Variants in CDH12 observed in about 807,000 individuals in gnomAD.
CDH12 encodes the protein cadherin-12.
In CDH12, 41 loss-of-function variants were observed where a neutral mutation model predicts 74.1. The ratio of observed to expected loss-of-function variants is 0.55; its 90% CI spans 0.43 to 0.72. CDH12 has a LOEUF of 0.72. Ranked by LOEUF, CDH12 falls within the 30% of genes least tolerant of loss-of-function variation. The pLI, the probability that CDH12 is intolerant of heterozygous loss-of-function variation, is 0.00. For synonymous variants in CDH12, 399 were observed against 355.0 expected, an observed-to-expected ratio of 1.12 and a Z score of -1.39; for missense variants, 945 against 977.2, an observed-to-expected ratio of 0.97 and a Z score of 0.44.
At chr5:22,471,941 G>C (rs1289852429) in intron 2 of CDH12, among the ~76,000 whole-genome samples, 1 of 152,078 alleles carries the variant, frequency 6.6e-6, no homozygotes, top group Non-Finnish European at 1.5e-5. Flanking sequence ...GCTCAATTCT[G>C]GACTCAGAAA....
chr5:22,113,374 T>G lies in CDH12; in HGVS notation c.-186-34512A>C, dbSNP rs140945442. On this transcript the variant is annotated intron_variant, in intron 4 of 14. Coordinates refer to ENST00000382254, the MANE Select transcript of CDH12 (RefSeq NM_004061.5). The stretch of plus-strand genomic sequence containing the variant: ...GCACCTTTTCAACACTTGTCACCTA[T>G]TGTCTCTAAGGGCAGCCATCAGAAG... 2.0e-3 allele frequency among the ~76,000 whole-genome samples: 302 copies of G among 152,208 alleles called. 1 individual carries two copies. Among genetic ancestry groups the G allele is most frequent in the African/African-American group, 6.9e-3 (288 of 41,550 alleles).
intron 3 of CDH12, among the ~76,000 whole-genome samples, chr5:22,387,322 T>G (rs1742043012): frequency 6.6e-6 from 1 of 152,154 alleles, no homozygotes; most frequent in Non-Finnish European, 1.5e-5. Flanking sequence ...AAAAGTAATG[T>G]GTTATTAATT....
chr5:22,202,977 GAC>G (rs1359988148), intron 4 of CDH12, among the ~76,000 whole-genome samples: 4 of 151,646 alleles, frequency 2.6e-5, no homozygotes, highest in Non-Finnish European at 5.9e-5. Flanking sequence ...TTTTTTAATT[GAC>G]ACATAATAAT....
chr5:22,813,908 C>A (rs1421122000), intron 1 of CDH12, among the ~76,000 whole-genome samples: 1 of 152,088 alleles, frequency 6.6e-6, no homozygotes, highest in South Asian at 2.1e-4. Context: ...CTATGTCATG[C>A]CCTGACTCCT....
intron 1 of CDH12, among the ~76,000 whole-genome samples, chr5:22,646,292 T>C (rs2126877529): frequency 6.6e-6 from 1 of 151,968 alleles, no homozygotes; most frequent in Non-Finnish European, 1.5e-5. Flanking sequence ...AATCAACTAC[T>C]GGAAAACCAT....
intron 1 of CDH12, among the ~76,000 whole-genome samples, chr5:22,826,000 G>A (rs992013826): frequency 6.6e-6 from 1 of 152,168 alleles, no homozygotes; most frequent in Non-Finnish European, 1.5e-5. Context: ...TCTAGCAAGA[G>A]TCAAAGTAAT....
chr5:22,710,143 G>A (rs1743218441), intron 1 of CDH12, among the ~76,000 whole-genome samples: 1 of 152,086 alleles, frequency 6.6e-6, no homozygotes, highest in African/African-American at 2.4e-5. Context: ...ATTATGTTGT[G>A]TCTTTATTTC....
intron 8 of CDH12, among the ~76,000 whole-genome samples, chr5:21,831,804 T>C (rs1232329318): frequency 6.6e-6 from 1 of 152,138 alleles, no homozygotes; most frequent in East Asian, 1.9e-4. Context: ...TTTTATGTTT[T>C]AATTTGTTTG....
intron 6 of CDH12, among the ~76,000 whole-genome samples, chr5:21,928,208 T>C (rs893094508): frequency 1.3e-5 from 2 of 152,176 alleles, no homozygotes; most frequent in Non-Finnish European, 2.9e-5. Context: ...CATAGGTTGT[T>C]CTGGAGAGAG....
intron 9 of CDH12, among the ~76,000 whole-genome samples, chr5:21,805,861 C>T (rs1351726015): frequency 1.3e-5 from 2 of 152,122 alleles, no homozygotes; most frequent in African/African-American, 2.4e-5. Context: ...TTATCTCTTG[C>T]ACAATAAATA....
chr5:22,366,112 C>T (rs1460062361), intron 3 of CDH12, among the ~76,000 whole-genome samples: 3 of 151,986 alleles, frequency 2.0e-5, no homozygotes, highest in Non-Finnish European at 4.4e-5. Flanking sequence ...GCGCCCGCCA[C>T]CATGCCCAGC....
intron 7 of CDH12, among the ~76,000 whole-genome samples, chr5:21,849,211 T>C (rs1327069949): frequency 1.3e-5 from 2 of 151,908 alleles, no homozygotes; most frequent in Non-Finnish European, 2.9e-5. Context: ...ATACATCTAG[T>C]TCCTCTTCTA....
intron 3 of CDH12, among the ~76,000 whole-genome samples, chr5:22,383,615 G>A (rs894220142): frequency 6.6e-6 from 1 of 152,044 alleles, no homozygotes; most frequent in African/African-American, 2.4e-5. Context: ...TTTCTTACTG[G>A]GCATTGCTGG....
At position 21,774,570 on chromosome 5, in the gene CDH12, C is replaced by A. The variant is rs184066161; in HGVS notation, c.1393+8788G>T. The A allele has an allele frequency of 2.6e-5, 4 of 152,138 alleles. No homozygotes were observed. The East Asian group carries it at 7.7e-4, about 29-fold the overall frequency. The allele number at this position is 152,138 out of a possible 1,614,324, so 9.4% of individuals were successfully genotyped here. On this transcript the variant is annotated intron_variant, in intron 11 of 14. Coordinates refer to ENST00000382254, the MANE Select transcript of CDH12 (RefSeq NM_004061.5). ...ATTCATCTATCTTATTAGTTCTGTC[C>A]CTTTAAAGAACCCTAATATACAAGT...
chr5:22,084,213 T>G (rs1360106160), intron 4 of CDH12, among the ~76,000 whole-genome samples: 1 of 152,182 alleles, frequency 6.6e-6, no homozygotes, highest in East Asian at 1.9e-4. Context: ...TATGAGGGTT[T>G]CCAACTGTTC....
chr5:22,490,722 CAACT>C (rs1232778215), intron 2 of CDH12, among the ~76,000 whole-genome samples: 1 of 152,178 alleles, frequency 6.6e-6, no homozygotes, highest in African/African-American at 2.4e-5. Context: ...AAACCCCACA[CAACT>C]AACTACCTCC....
intron 6 of CDH12, 111 bp downstream of exon 6, chr5:21,974,980 A>G (rs1756997443): frequency 1.3e-6 from 1 of 767,088 alleles, no homozygotes; most frequent in Non-Finnish European, 2.1e-6. Context: ...TATTTTCTAG[A>G]ATTGAAAAAT....
intron 4 of CDH12, among the ~76,000 whole-genome samples, chr5:22,107,085 AG>A (rs1456368426): frequency 1.3e-5 from 2 of 151,410 alleles, no homozygotes; most frequent in Non-Finnish European, 2.9e-5. Context: ...AAGTGCCCAA[AG>A]GATGTCAAAA....
At chr5:22,557,055 T>C (rs1052643578) in intron 1 of CDH12, among the ~76,000 whole-genome samples, 5 of 152,120 alleles carry the variant, frequency 3.3e-5, no homozygotes, top group African/African-American at 1.2e-4. Flanking sequence ...TCCCACCTTT[T>C]GTTCCAGGCT....
Sources: gnomAD v4.1 joint callset for allele counts (sites outside exome capture counted in the v4.1 genomes callset) on GRCh38, gnomAD v4.1.1 for gene constraint, MANE v1.5 for transcripts, NCBI Gene and HGNC (gene_info 2026-07-23, HGNC 2026-07-21) for gene names.